FSTL5: variants seen among roughly 807,000 people sequenced by gnomAD.
FSTL5 encodes follistatin-related protein 5.
In FSTL5, 62 loss-of-function variants were observed where a neutral mutation model predicts 89.1. The ratio of observed to expected loss-of-function variants is 0.70; its 90% CI spans 0.57 to 0.86. The LOEUF (loss-of-function observed/expected upper bound fraction) is 0.86. Ranked by LOEUF, FSTL5 falls within the 40% of genes least tolerant of loss-of-function variation. The pLI is 0.00. For missense variants in FSTL5, 1,057 were observed against 1,001.6 expected (o/e 1.06, Z -0.75); for synonymous variants, 383 against 346.2 (o/e 1.11, Z -1.18).
chr4:162,155,333 T>C (rs754703419), intron 1 of FSTL5, among the ~76,000 whole-genome samples: 51 of 152,114 alleles, frequency 3.4e-4, no homozygotes, highest in Non-Finnish European at 6.9e-4. Flanking sequence ...TCTCCATGAG[T>C]TCTGAGCCGC....
intron 11 of FSTL5, among the ~76,000 whole-genome samples, chr4:161,505,530 T>G (rs1032589769): frequency 3.3e-5 from 5 of 152,180 alleles, no homozygotes; most frequent in Non-Finnish European, 7.3e-5. Context: ...GTATACAATC[T>G]CCTTAACTTC....
chr4:161,620,225 A>G, intron 7 of FSTL5, among the ~76,000 whole-genome samples: 1 of 150,226 alleles, frequency 6.7e-6, no homozygotes, highest in Non-Finnish European at 1.5e-5. Flanking sequence ...GCTTTAGGAG[A>G]TATACCTAAT....
intron 3 of FSTL5, among the ~76,000 whole-genome samples, chr4:162,006,736 G>C (rs1736627110): frequency 6.6e-6 from 1 of 151,696 alleles, no homozygotes. Context: ...AGTATTTCCT[G>C]CTTTGACAAT....
chr4:161,892,782 G>A (rs577543148), intron 4 of FSTL5, among the ~76,000 whole-genome samples: 4 of 151,980 alleles, frequency 2.6e-5, no homozygotes, highest in African/African-American at 4.8e-5. Context: ...AATATAGCAA[G>A]TGAATGTTCT....
intron 6 of FSTL5, among the ~76,000 whole-genome samples, chr4:161,734,935 C>T (rs769129121): frequency 2.0e-5 from 3 of 152,038 alleles, no homozygotes; most frequent in Non-Finnish European, 4.4e-5. Context: ...CTCTGTGAAC[C>T]CCAGCCAGGT....
At chr4:161,842,073 C>T (rs1230979930) in intron 4 of FSTL5, among the ~76,000 whole-genome samples, 1 of 152,016 alleles carries the variant, frequency 6.6e-6, no homozygotes, top group Non-Finnish European at 1.5e-5. Context: ...CAGCTGGTAT[C>T]GCATAATCAA....
At chr4:161,740,724 T>A (rs1579060176) in intron 6 of FSTL5, among the ~76,000 whole-genome samples, 2 of 152,350 alleles carry the variant, frequency 1.3e-5, no homozygotes, top group East Asian at 3.9e-4. Flanking sequence ...GATTGATTGT[T>A]GTTTCATTCA....
intron 3 of FSTL5, among the ~76,000 whole-genome samples, chr4:161,924,741 C>T (rs1734079003): frequency 6.6e-6 from 1 of 151,462 alleles, no homozygotes; most frequent in Non-Finnish European, 1.5e-5. Flanking sequence ...ATATACAGGG[C>T]ATGGAATAGA....
intron 7 of FSTL5, among the ~76,000 whole-genome samples, chr4:161,636,090 C>CAAA (rs34996065): frequency 3.9e-5 from 5 of 129,364 alleles, no homozygotes; most frequent in Non-Finnish European, 8.5e-5. Flanking sequence ...TAATTGACAG[C>CAAA]AAAAAAAAAA....
Position 162,163,788 on chromosome 4 carries a change from C to G in FSTL5, c.-190G>C, listed in dbSNP as rs1733789999. 1.3e-5 allele frequency: 2 copies of G among 152,288 alleles called. No homozygotes were observed. Among genetic ancestry groups the G allele is most frequent in the Non-Finnish European group, 1.5e-5 (1 of 68,046 alleles). The allele number at this position is 152,288 out of a possible 1,614,324, so 9.4% of individuals were successfully genotyped here. On this transcript the variant is annotated 5_prime_UTR_variant, in exon 1 of 16. Transcript: ENST00000306100. ...CACGCCTGAATGAGCGCCCAGGTGG[C>G]AAACAGAGGACTCTCTCCCACGTCC...
intron 3 of FSTL5, among the ~76,000 whole-genome samples, chr4:161,951,336 T>C (rs1734888586): frequency 1.3e-5 from 2 of 152,114 alleles, no homozygotes; most frequent in Non-Finnish European, 1.5e-5. Flanking sequence ...CTCTTAACCC[T>C]ATTCTCTGGT....
rs569758200 is a variant in FSTL5, at chr4:161,682,757, TA to T, written c.728-26264del. Reference sequence around the variant, plus strand: ...TTACAGTTAACTTTCCTTTTTTTTTTATTTTTTGAGATGGAGTCTCACTCTT... The same window carrying T: ...TTACAGTTAACTTTCCTTTTTTTTTTTTTTTTGAGATGGAGTCTCACTCTT... On this transcript the variant is annotated intron_variant, in intron 6 of 15. Transcript: ENST00000306100. Among the ~76,000 whole-genome samples the T allele has an allele frequency of 1.4e-3, 206 of 152,128 alleles. 9 individuals carry two copies. The South Asian group carries it at 0.038, about 28-fold the overall frequency.
Position 161,954,029 on chromosome 4 carries a change from T to G in FSTL5, c.161-33377A>C, listed in dbSNP as rs76508293. On this transcript the variant is annotated intron_variant, in intron 3 of 15. Coordinates refer to ENST00000306100, the MANE Select transcript of FSTL5 (RefSeq NM_020116.5). ...TGGACCACAGAATAAGCATTCATTA[T>G]TCAACAAAGTATTATGTGTTAGAGG... is the stretch of plus-strand genomic sequence containing the variant. Among the ~76,000 whole-genome samples, 99 of 151,754 alleles carry G rather than the reference T, an allele frequency of 6.5e-4. 2 individuals carry two copies. In the East Asian group the frequency reaches 0.016, roughly 25 times the overall value.
chr4:161,771,540 G>C (rs896997822), intron 5 of FSTL5, among the ~76,000 whole-genome samples: 6 of 152,004 alleles, frequency 3.9e-5, no homozygotes, highest in Non-Finnish European at 7.4e-5. Flanking sequence ...GCATCAAAAA[G>C]ATAACTTATA....
At chr4:161,527,703 T>C (rs2126525517) in intron 10 of FSTL5, among the ~76,000 whole-genome samples, 1 of 151,780 alleles carries the variant, frequency 6.6e-6, no homozygotes, top group African/African-American at 2.4e-5. Flanking sequence ...GGTGGGACTG[T>C]AAACTAGTTC....
chr4:161,584,232 G>A (rs1204816948), intron 8 of FSTL5, among the ~76,000 whole-genome samples: 1 of 152,038 alleles, frequency 6.6e-6, no homozygotes, highest in East Asian at 1.9e-4. Context: ...TTCAACCAAT[G>A]GTATTATTCA....
intron 3 of FSTL5, among the ~76,000 whole-genome samples, chr4:161,984,000 C>A (rs991122959): frequency 8.5e-5 from 13 of 152,096 alleles, no homozygotes; most frequent in African/African-American, 3.1e-4. Flanking sequence ...TTTCTCTCTT[C>A]TATTATCTTT....
intron 1 of FSTL5, among the ~76,000 whole-genome samples, chr4:162,125,661 G>A (rs188009926): frequency 2.6e-5 from 4 of 152,026 alleles, no homozygotes; most frequent in African/African-American, 7.2e-5. Flanking sequence ...TAGAATGAAC[G>A]CATACAGTCT....
chr4:161,434,536 T>C (rs7694864), intron 15 of FSTL5, among the ~76,000 whole-genome samples: 37,632 of 151,704 alleles, frequency 0.25, 4,834 homozygotes, highest in Middle Eastern at 0.29. Context: ...TTGTATCCGA[T>C]AAGCACAGGT....
Sources: allele counts gnomAD v4.1 joint callset (sites outside exome capture counted in the v4.1 genomes callset), GRCh38; gene constraint gnomAD v4.1.1; transcripts MANE v1.5; gene names NCBI Gene and HGNC (gene_info 2026-07-23, HGNC 2026-07-21).